The following CTNNA2 variants were observed in gnomAD, a reference collection of about 807,000 sequenced individuals.
The protein encoded by CTNNA2 is catenin alpha 2.
CTNNA2 carries 42 observed loss-of-function variants against 101.0 expected under a neutral mutation model. The ratio of observed to expected loss-of-function variants is 0.42; its 90% CI spans 0.32 to 0.54. The LOEUF is 0.54. Among genes scored for constraint, CTNNA2 ranks in the 20% least tolerant of loss-of-function variants. The pLI is 0.14. For synonymous variants in CTNNA2, 450 were observed against 456.4 expected, an observed-to-expected ratio of 0.99 and a Z score of 0.18; for missense variants, 871 against 1,223.1, an observed-to-expected ratio of 0.71 and a Z score of 4.29.
At chr2:79,612,861 C>T (rs1021598556) in intron 1 of CTNNA2, among the ~76,000 whole-genome samples, 10 of 152,078 alleles carry the variant, frequency 6.6e-5, no homozygotes, top group African/African-American at 2.4e-4. Flanking sequence ...TTTAAAATTA[C>T]ATTTTCTGTG....
intron 7 of CTNNA2, among the ~76,000 whole-genome samples, chr2:80,055,621 C>T (rs963611271): frequency 2.0e-5 from 3 of 152,134 alleles, no homozygotes; most frequent in African/African-American, 7.2e-5. Flanking sequence ...CTGGGGCCTG[C>T]CTTGCTGTGT....
chr2:80,529,770 T>A (rs1394156387), intron 9 of CTNNA2, among the ~76,000 whole-genome samples: 2 of 152,164 alleles, frequency 1.3e-5, no homozygotes, highest in Non-Finnish European at 2.9e-5. Context: ...AACACCAACT[T>A]AAGCTTTATT....
intron 17 of CTNNA2, among the ~76,000 whole-genome samples, chr2:80,613,256 A>G (rs1449480601): frequency 1.3e-5 from 2 of 151,450 alleles, no homozygotes; most frequent in East Asian, 2.0e-4. Context: ...CATTCATACC[A>G]GTATGAATGG....
At chr2:80,321,091 C>T (rs1353702281) in intron 7 of CTNNA2, among the ~76,000 whole-genome samples, 3 of 152,242 alleles carry the variant, frequency 2.0e-5, no homozygotes, top group East Asian at 3.9e-4. Context: ...TTGGATATAA[C>T]TTTTTTGACA....
intron 7 of CTNNA2, among the ~76,000 whole-genome samples, chr2:80,209,205 CT>C (rs11302431): frequency 0.18 from 24,961 of 141,590 alleles, 2,622 homozygotes; most frequent in South Asian, 0.33. Context: ...TTTTTTAATT[CT>C]TTTTTTTTTT....
rs573251988 is a variant in CTNNA2 at position 80,403,705 on chromosome 2, T to C, written c.1137+10414T>C. On this transcript the variant is annotated intron_variant, in intron 8 of 18. Transcript: ENST00000402739. ...CAGGCATTTTTGTCATACTAGAGTA[T>C]GGAAAATTCCCATTTAGTATGATAT... is the stretch of plus-strand genomic sequence containing the variant. Among the ~76,000 whole-genome samples, 7 of 152,284 alleles carry C rather than the reference T, an allele frequency of 4.6e-5. No individual in the cohort carries two copies. The East Asian group carries it at 5.8e-4, about 13-fold the overall frequency.
intron 4 of CTNNA2, among the ~76,000 whole-genome samples, chr2:79,439,719 C>G (rs2104517221): frequency 6.6e-6 from 1 of 152,230 alleles, no homozygotes; most frequent in Non-Finnish European, 1.5e-5. Flanking sequence ...AAGAGTTCTT[C>G]CAGTGTGTTT....
chr2:79,670,697 A>G (rs1416114645), intron 2 of CTNNA2, among the ~76,000 whole-genome samples: 1 of 152,120 alleles, frequency 6.6e-6, no homozygotes, highest in Non-Finnish European at 1.5e-5. Context: ...TTTGGCAAAA[A>G]CCAATATATC....
chr2:80,398,289 A>C, intron 8 of CTNNA2, among the ~76,000 whole-genome samples: 1 of 152,240 alleles, frequency 6.6e-6, no homozygotes, highest in East Asian at 1.9e-4. Context: ...AAATTTTAAA[A>C]CCATTTATTT....
intron 7 of CTNNA2, among the ~76,000 whole-genome samples, chr2:79,924,477 A>G (rs1686885532): frequency 6.6e-6 from 1 of 152,138 alleles, no homozygotes; most frequent in Non-Finnish European, 1.5e-5. Context: ...AATGGCTTAT[A>G]TGATAATTTT....
chr2:79,603,668 C>T (rs1414648751), intron 1 of CTNNA2, among the ~76,000 whole-genome samples: 2 of 152,078 alleles, frequency 1.3e-5, no homozygotes, highest in Non-Finnish European at 1.5e-5. Flanking sequence ...GAGCGTCATA[C>T]GTATCATAAG....
intron 2 of CTNNA2, among the ~76,000 whole-genome samples, chr2:79,304,485 G>A (rs1371004003): frequency 6.6e-6 from 1 of 151,406 alleles, no homozygotes; most frequent in Non-Finnish European, 1.5e-5. Flanking sequence ...ACCCAGGTGA[G>A]GCAGACTAAT....
At chr2:79,735,358 C>G (rs1398155672) in intron 2 of CTNNA2, among the ~76,000 whole-genome samples, 1 of 152,020 alleles carries the variant, frequency 6.6e-6, no homozygotes. Flanking sequence ...GAAACACTTC[C>G]TAGGAAATGA....
intron 7 of CTNNA2, among the ~76,000 whole-genome samples, chr2:79,949,240 C>T (rs1025517294): frequency 6.6e-6 from 1 of 151,994 alleles, no homozygotes; most frequent in Non-Finnish European, 1.5e-5. Context: ...TGTTATGACC[C>T]CCAAGGCCTT....
intron 7 of CTNNA2, among the ~76,000 whole-genome samples, chr2:79,940,207 T>A (rs1688062217): frequency 6.6e-6 from 1 of 152,226 alleles, no homozygotes; most frequent in African/African-American, 2.4e-5. Flanking sequence ...TTGTATTGTT[T>A]TAGTATTTAG....
intron 9 of CTNNA2, among the ~76,000 whole-genome samples, chr2:80,543,421 T>C (rs1008837399): frequency 6.6e-6 from 1 of 152,174 alleles, no homozygotes; most frequent in Non-Finnish European, 1.5e-5. Context: ...AAAGGTAAAC[T>C]ATAAACTATA....
intron 7 of CTNNA2, among the ~76,000 whole-genome samples, chr2:80,124,617 A>G (rs1702019259): frequency 6.6e-6 from 1 of 152,140 alleles, no homozygotes; most frequent in South Asian, 2.1e-4. Context: ...AGACATTGGT[A>G]TTTGCTTCCC....
At chr2:80,559,589 A>G (rs1003391952) in intron 12 of CTNNA2, among the ~76,000 whole-genome samples, 4 of 152,220 alleles carry the variant, frequency 2.6e-5, no homozygotes, top group Non-Finnish European at 5.9e-5. Flanking sequence ...GTAGATTATT[A>G]GTATGCTAAG....
intron 2 of CTNNA2, among the ~76,000 whole-genome samples, chr2:79,199,660 A>G (rs11894237): frequency 0.21 from 32,354 of 152,008 alleles, 4,398 homozygotes; most frequent in African/African-American, 0.39. Context: ...CTAACAAAAT[A>G]CCATAGACTA....
Sources: gnomAD v4.1 joint callset for allele counts (sites outside exome capture counted in the v4.1 genomes callset) on GRCh38, gnomAD v4.1.1 for gene constraint, MANE v1.5 for transcripts, NCBI Gene and HGNC (gene_info 2026-07-23, HGNC 2026-07-21) for gene names.